PMFBP1: variants seen among roughly 807,000 people sequenced by gnomAD.
PMFBP1 encodes polyamine modulated factor 1 binding protein 1.
Under a neutral mutation model 137.8 loss-of-function variants are expected in PMFBP1, and 131 were observed. The observed-to-expected ratio is 0.95, with a 90% CI of 0.82 to 1.10. The LOEUF is 1.10. Among genes scored for constraint, PMFBP1 ranks in the 50% least tolerant of loss-of-function variants. PMFBP1 has a pLI of 0.00. For synonymous variants in PMFBP1, 490 were observed against 450.4 expected (o/e 1.09, Z -1.11); for missense variants, 1,199 against 1,175.4 (o/e 1.02, Z -0.29).
chr16:72,187,089 G>C, the PMFBP1 span, among the ~76,000 whole-genome samples: 1 of 150,222 alleles, frequency 6.7e-6, no homozygotes, highest in Non-Finnish European at 1.5e-5. Context: ...CTCCAGGCTG[G>C]GTGACAAAGT....
chr16:72,125,069 C>G, intron 16 of PMFBP1, 135 bp from the exon 17 acceptor site: 1 of 1,362,484 alleles, frequency 7.3e-7, no homozygotes, highest in Non-Finnish European at 1.0e-6. Flanking sequence ...CAGCAGAGGG[C>G]ACCCATGCTC....
the PMFBP1 span, among the ~76,000 whole-genome samples, chr16:72,183,460 T>A: frequency 6.6e-6 from 1 of 152,156 alleles, no homozygotes; most frequent in Non-Finnish European, 1.5e-5. Flanking sequence ...GCTTGTAGAC[T>A]CATCATCCCA....
chr16:72,140,281 G>T, intron 6 of PMFBP1, 131 bp downstream of exon 6: 3 of 904,330 alleles, frequency 3.3e-6, no homozygotes, highest in Non-Finnish European at 3.4e-6. Flanking sequence ...AAGTTGGGGG[G>T]CAAGTATATA....
intron 3 of PMFBP1, among the ~76,000 whole-genome samples, chr16:72,160,021 A>G (rs1419015925): frequency 6.6e-6 from 1 of 152,228 alleles, no homozygotes; most frequent in Non-Finnish European, 1.5e-5. Context: ...CTCAGCTGCT[A>G]GAAAAGATGG....
chr16:72,135,909 C>T (rs1379092233), intron 9 of PMFBP1, among the ~76,000 whole-genome samples: 2 of 151,404 alleles, frequency 1.3e-5, no homozygotes, highest in African/African-American at 4.8e-5. Flanking sequence ...CGCACACCAC[C>T]ATGCCCAGAT....
At chr16:72,122,300 A>C (rs1375584540) in intron 19 of PMFBP1, among the ~76,000 whole-genome samples, 2 of 152,164 alleles carry the variant, frequency 1.3e-5, no homozygotes, top group African/African-American at 4.8e-5. Flanking sequence ...GTTCCCTAAG[A>C]AAAGGTTGGG....
chr16:72,213,215 G>T, the PMFBP1 span, among the ~76,000 whole-genome samples: 2 of 151,496 alleles, frequency 1.3e-5, no homozygotes, highest in Non-Finnish European at 2.9e-5. Context: ...GGTGGGGAAA[G>T]GGTGTGGTAG....
At chr16:72,213,197 CG>C in the PMFBP1 span, among the ~76,000 whole-genome samples, 143 of 120,332 alleles carry the variant, frequency 1.2e-3, 1 homozygote, top group Admixed American at 2.0e-3. Context: ...AGCAAGAGCC[CG>C]GGGGGGGGTG....
the PMFBP1 span, among the ~76,000 whole-genome samples, chr16:72,220,836 G>A: frequency 9.9e-5 from 15 of 152,172 alleles, no homozygotes; most frequent in African/African-American, 1.7e-4. Flanking sequence ...CACATCCCTC[G>A]AGTTGTTTCT....
chr16:72,178,239 G>A (rs1401912598), upstream of PMFBP1, among the ~76,000 whole-genome samples: 1 of 152,042 alleles, frequency 6.6e-6, no homozygotes, highest in Non-Finnish European at 1.5e-5. Flanking sequence ...ATCATGTCAG[G>A]GATACATGAT....
At chr16:72,130,783 C>G in intron 10 of PMFBP1, 61 bp from the exon 11 acceptor site, 1 of 1,468,860 alleles carries the variant, frequency 6.8e-7, no homozygotes, top group Non-Finnish European at 9.1e-7. Flanking sequence ...ACACTCTTAT[C>G]AGCCTGGCTG....
chr16:72,234,293 C>G, the PMFBP1 span, among the ~76,000 whole-genome samples: 1 of 152,144 alleles, frequency 6.6e-6, no homozygotes, highest in Non-Finnish European at 1.5e-5. Context: ...AATCATCCGA[C>G]AGTGCACAAA....
At chr16:72,235,524 T>C in the PMFBP1 span, among the ~76,000 whole-genome samples, 2 of 151,574 alleles carry the variant, frequency 1.3e-5, no homozygotes, top group Admixed American at 1.3e-4. Flanking sequence ...TCTGTATGCA[T>C]ATTAGTATCA....
At chr16:72,207,898 G>GACT in the PMFBP1 span, among the ~76,000 whole-genome samples, 1 of 152,086 alleles carries the variant, frequency 6.6e-6, no homozygotes, top group South Asian at 2.1e-4. Context: ...AAATACCTGA[G>GACT]CATAGTACAA....
At chr16:72,199,939 T>C in the PMFBP1 span, among the ~76,000 whole-genome samples, 1 of 152,198 alleles carries the variant, frequency 6.6e-6, no homozygotes, top group African/African-American at 2.4e-5. Flanking sequence ...TTAGTAACTA[T>C]GGAAATCTTC....
chr16:72,216,453 C>T, the PMFBP1 span, among the ~76,000 whole-genome samples: 10 of 151,962 alleles, frequency 6.6e-5, no homozygotes, highest in East Asian at 1.9e-4. Context: ...CAGCAGCAGA[C>T]GGAAAGAAAA....
chr16:72,148,200 A>G (rs1215199588), intron 5 of PMFBP1, among the ~76,000 whole-genome samples: 2 of 152,188 alleles, frequency 1.3e-5, no homozygotes, highest in Non-Finnish European at 2.9e-5. Context: ...ATAAAAAAGG[A>G]TGAGTTCATG....
the PMFBP1 span, among the ~76,000 whole-genome samples, chr16:72,238,237 A>C: frequency 1.3e-5 from 2 of 152,202 alleles, no homozygotes; most frequent in African/African-American, 4.8e-5. Flanking sequence ...ACTGCTTTCC[A>C]CAATGGTTGA....
chr16:72,128,917 T>C (rs1044907723), intron 13 of PMFBP1, 123 bp from the exon 14 acceptor site: 1 of 1,507,466 alleles, frequency 6.6e-7, no homozygotes. Flanking sequence ...TCAGGCATTC[T>C]CGCTCCCCTC....
Sources: allele counts gnomAD v4.1 joint callset (sites outside exome capture counted in the v4.1 genomes callset), GRCh38; gene constraint gnomAD v4.1.1; transcripts MANE v1.5; gene names NCBI Gene and HGNC (gene_info 2026-07-23, HGNC 2026-07-21).